Variants in LMNTD1 observed in about 807,000 individuals in gnomAD.
LMNTD1 encodes the protein lamin tail domain containing 1, also known as lamin tail domain-containing protein 1.
In LMNTD1, 35 loss-of-function variants were observed where a neutral mutation model predicts 50.9. The ratio of observed to expected loss-of-function variants is 0.69; its 90% CI spans 0.53 to 0.91. The LOEUF (loss-of-function observed/expected upper bound fraction) is 0.91. Ranked by LOEUF, LMNTD1 falls within the 40% of genes least tolerant of loss-of-function variation. The pLI, the probability that LMNTD1 is intolerant of heterozygous loss-of-function variation, is 0.00. For missense variants in LMNTD1, 470 were observed against 475.5 expected (o/e 0.99, Z 0.11); for synonymous variants, 153 against 161.9 (o/e 0.94, Z 0.42).
intron 8 of LMNTD1, among the ~76,000 whole-genome samples, chr12:25,504,255 G>A (rs755515126): frequency 5.9e-5 from 9 of 152,286 alleles, no homozygotes; most frequent in Middle Eastern, 3.4e-3. Context: ...CCAGCAATTG[G>A]CTGCATCAGG....
rs1445634485 is a variant in LMNTD1 at position 25,503,744 on chromosome 12, A to G, written c.*16T>C. On this transcript the variant is annotated 3_prime_UTR_variant, in exon 9 of 10. Transcript: ENST00000458174. ...TTGCAATACAGTTACTTACCTTTAA[A>G]GGTTGAGTTGACTGCTTATTGCTTT... 6.4e-7 allele frequency: 1 copy of G among 1,558,456 alleles called. No homozygotes were observed. Among genetic ancestry groups the G allele is most frequent in the East Asian group, 2.2e-5 (1 of 44,522 alleles).
At chr12:25,482,750 T>A (rs1190010237) in intron 9 of LMNTD1, among the ~76,000 whole-genome samples, 2 of 151,900 alleles carry the variant, frequency 1.3e-5, no homozygotes, top group Non-Finnish European at 2.9e-5. Flanking sequence ...TGGTGCTGAG[T>A]TGGTGAGTGT....
intron 7 of LMNTD1, 139 bp from the exon 8 acceptor site, chr12:25,519,106 T>C: frequency 4.1e-6 from 3 of 730,292 alleles, no homozygotes; most frequent in Non-Finnish European, 6.8e-6. Flanking sequence ...AGAACTTTTA[T>C]TATAACTTCA....
chr12:25,515,164 T>C (rs1940660184), intron 8 of LMNTD1, among the ~76,000 whole-genome samples: 2 of 151,074 alleles, frequency 1.3e-5, no homozygotes, highest in African/African-American at 2.4e-5. Context: ...AACATTTTCT[T>C]GGATGCATTC....
intron 4 of LMNTD1, among the ~76,000 whole-genome samples, chr12:25,533,453 A>G (rs1163821360): frequency 6.6e-6 from 1 of 152,076 alleles, no homozygotes; most frequent in African/African-American, 2.4e-5. Context: ...TAATTTATCT[A>G]TTTGTTGGGC....
upstream of LMNTD1, chr12:25,553,404 C>T: frequency 2.5e-6 from 1 of 398,984 alleles, no homozygotes. Context: ...AGTTTGCAGA[C>T]ATTAAATAAA....
chr12:25,590,769 G>C (rs986195070), intron 1 of LMNTD1, among the ~76,000 whole-genome samples: 1 of 152,178 alleles, frequency 6.6e-6, no homozygotes, highest in Non-Finnish European at 1.5e-5. Context: ...GCACCAGTAA[G>C]AGTTGTGAGG....
chr12:25,487,900 T>G (rs1190047522), intron 9 of LMNTD1, among the ~76,000 whole-genome samples: 1 of 126,806 alleles, frequency 7.9e-6, no homozygotes, highest in African/African-American at 3.0e-5. Context: ...GAAGCTTAGT[T>G]TGGCTGGATA....
chr12:25,518,530 C>T (rs755207123), intron 8 of LMNTD1, among the ~76,000 whole-genome samples: 2 of 152,160 alleles, frequency 1.3e-5, no homozygotes, highest in Non-Finnish European at 2.9e-5. Flanking sequence ...CATACATACT[C>T]TTGCTGGCCA....
chr12:25,624,852 C>T (rs187910185), intron 1 of LMNTD1, among the ~76,000 whole-genome samples: 1 of 152,328 alleles, frequency 6.6e-6, no homozygotes, highest in Admixed American at 6.5e-5. Flanking sequence ...CTGTTATCCT[C>T]CCTCTAAAGG....
chr12:25,492,028 CA>C, intron 9 of LMNTD1, among the ~76,000 whole-genome samples: 1 of 152,290 alleles, frequency 6.6e-6, no homozygotes, highest in African/African-American at 2.4e-5. Flanking sequence ...ACTTAGCAAA[CA>C]TTAGAGTTTA....
intron 1 of LMNTD1, among the ~76,000 whole-genome samples, chr12:25,603,132 A>AATT: frequency 6.6e-6 from 1 of 152,172 alleles, no homozygotes; most frequent in South Asian, 2.1e-4. Flanking sequence ...TGATGTTCTT[A>AATT]ATTATATTAT....
At chr12:25,517,858 G>A (rs1940927227) in intron 8 of LMNTD1, among the ~76,000 whole-genome samples, 1 of 151,926 alleles carries the variant, frequency 6.6e-6, no homozygotes, top group Non-Finnish European at 1.5e-5. Context: ...TCCCAGTGAT[G>A]TGCTAGCATA....
At chr12:25,523,278 C>T (rs140303156) in intron 6 of LMNTD1, among the ~76,000 whole-genome samples, 2,959 of 152,216 alleles carry the variant, frequency 0.019, 72 homozygotes, top group African/African-American at 0.056. Context: ...GTGATCCGCC[C>T]GCCTCGGCCT....
intron 1 of LMNTD1, among the ~76,000 whole-genome samples, chr12:25,566,372 T>G (rs1464427835): frequency 6.6e-6 from 1 of 152,192 alleles, no homozygotes. Flanking sequence ...TGATGGCCAT[T>G]TGGGTTGGCT....
chr12:25,489,326 G>C (rs138315134), intron 9 of LMNTD1, among the ~76,000 whole-genome samples: 34,196 of 143,452 alleles, frequency 0.24, 4,403 homozygotes, highest in Middle Eastern at 0.33. Flanking sequence ...GATATAGTCT[G>C]GTGGTGCGCC....
chr12:25,604,024 C>T (rs1946040731), intron 1 of LMNTD1, among the ~76,000 whole-genome samples: 1 of 152,014 alleles, frequency 6.6e-6, no homozygotes, highest in Admixed American at 6.6e-5. Context: ...AGCAAACAAA[C>T]AAAAAGAACT....
intron 8 of LMNTD1, among the ~76,000 whole-genome samples, chr12:25,507,307 A>G (rs1310305123): frequency 6.6e-6 from 1 of 152,222 alleles, no homozygotes; most frequent in East Asian, 1.9e-4. Flanking sequence ...CTCAATGTCT[A>G]ATATTCATTC....
chr12:25,481,967 C>G (rs1938463008), intron 9 of LMNTD1, among the ~76,000 whole-genome samples: 1 of 150,566 alleles, frequency 6.6e-6, no homozygotes, highest in South Asian at 2.1e-4. Context: ...CTCAGTTGAG[C>G]AATAATGTTT....
Sources: gnomAD v4.1 joint callset for allele counts (sites outside exome capture counted in the v4.1 genomes callset) on GRCh38, gnomAD v4.1.1 for gene constraint, MANE v1.5 for transcripts, NCBI Gene and HGNC (gene_info 2026-07-23, HGNC 2026-07-21) for gene names.